Variants in CHRM3 observed in about 807,000 individuals in gnomAD.
CHRM3 encodes the protein cholinergic receptor muscarinic 3.
Under a neutral mutation model 41.8 loss-of-function variants are expected in CHRM3, and 11 were observed. The ratio of observed to expected loss-of-function variants is 0.26; its 90% CI spans 0.17 to 0.44. CHRM3 has a LOEUF of 0.44. Among genes scored for constraint, CHRM3 ranks in the 20% least tolerant of loss-of-function variants. CHRM3 has a pLI of 1.00. For synonymous variants in CHRM3, 297 were observed against 301.4 expected (o/e 0.99, Z 0.15); for missense variants, 571 against 745.4 (o/e 0.77, Z 2.72).
intron 3 of CHRM3, among the ~76,000 whole-genome samples, chr1:239,588,975 C>G (rs1015997754): frequency 6.6e-6 from 1 of 152,034 alleles, no homozygotes; most frequent in African/African-American, 2.4e-5. Flanking sequence ...GCTCTGTCCC[C>G]CAAGCTGGAG....
intron 3 of CHRM3, among the ~76,000 whole-genome samples, chr1:239,594,332 A>C (rs781382841): frequency 2.6e-5 from 4 of 152,320 alleles, no homozygotes; most frequent in Non-Finnish European, 5.9e-5. Flanking sequence ...GAATTTTCTA[A>C]ATGTGGTGTG....
At chr1:239,575,501 A>G (rs918099132) in intron 3 of CHRM3, among the ~76,000 whole-genome samples, 1 of 152,190 alleles carries the variant, frequency 6.6e-6, no homozygotes, top group Non-Finnish European at 1.5e-5. Flanking sequence ...TGTTTGGCTT[A>G]CTGTGTCTCT....
chr1:239,657,027 A>T lies in CHRM3; in HGVS notation c.-249-21159A>T, dbSNP rs1573160118. ...AATCTTTGCTGTCAACATTTTTAAG[A>T]AAAAGAAAGGATGTTATAATGCTAT... On this transcript the variant is annotated intron_variant, in intron 4 of 6. Coordinates refer to ENST00000676153, the MANE Select transcript of CHRM3 (RefSeq NM_001375978.1). Among the ~76,000 whole-genome samples, 2 of 152,356 alleles carry T rather than the reference A, an allele frequency of 1.3e-5. 1 individual carries two copies. The highest frequency in any genetic ancestry group is 2.9e-5 in the Non-Finnish European group (2 of 68,040).
intron 6 of CHRM3, among the ~76,000 whole-genome samples, chr1:239,886,849 A>G (rs1678114275): frequency 2.6e-5 from 4 of 152,194 alleles, no homozygotes; most frequent in African/African-American, 7.2e-5. Flanking sequence ...ACGTTTTGCC[A>G]GATACTTGGA....
At chr1:239,785,960 C>G (rs1189998576) in intron 5 of CHRM3, among the ~76,000 whole-genome samples, 1 of 152,090 alleles carries the variant, frequency 6.6e-6, no homozygotes, top group African/African-American at 2.4e-5. Context: ...ATGTGTAGTA[C>G]ATATGGGTAT....
chr1:239,532,006 T>G (rs1352627300), intron 2 of CHRM3, among the ~76,000 whole-genome samples: 1 of 115,888 alleles, frequency 8.6e-6, no homozygotes, highest in East Asian at 2.3e-4. Context: ...CTTTTCCTTC[T>G]TTCTTTTTTT....
intron 3 of CHRM3, among the ~76,000 whole-genome samples, chr1:239,609,350 G>T (rs1461055735): frequency 6.6e-6 from 1 of 152,088 alleles, no homozygotes; most frequent in Non-Finnish European, 1.5e-5. Context: ...TTCTTGCTTA[G>T]TACTACTCCA....
At chr1:239,543,405 A>C (rs145055601) in intron 2 of CHRM3, among the ~76,000 whole-genome samples, 287 of 151,948 alleles carry the variant, frequency 1.9e-3, no homozygotes, top group African/African-American at 6.7e-3. Context: ...GGGGTTCCCA[A>C]CCTCTGCTTC....
intron 5 of CHRM3, among the ~76,000 whole-genome samples, chr1:239,769,486 G>A (rs1421706190): frequency 2.6e-5 from 4 of 152,224 alleles, no homozygotes; most frequent in Non-Finnish European, 4.4e-5. Flanking sequence ...ATGTAGAACA[G>A]TTGTATAAGC....
intron 2 of CHRM3, among the ~76,000 whole-genome samples, chr1:239,498,945 C>A (rs1668050162): frequency 6.6e-6 from 1 of 152,062 alleles, no homozygotes. Flanking sequence ...TAGCGTGCTT[C>A]CTTATATGTA....
intron 1 of CHRM3, among the ~76,000 whole-genome samples, chr1:239,443,011 C>T (rs1335144210): frequency 2.0e-5 from 3 of 152,182 alleles, no homozygotes; most frequent in Non-Finnish European, 4.4e-5. Flanking sequence ...TTAATAGAGC[C>T]ACCTATCCTT....
chr1:239,670,565 C>T (rs147994487), intron 4 of CHRM3, among the ~76,000 whole-genome samples: 7,430 of 152,104 alleles, frequency 0.049, 278 homozygotes, highest in South Asian at 0.17. Context: ...GGCTGGAGTG[C>T]AGTGACATAA....
At chr1:239,862,083 G>T (rs974996986) in intron 6 of CHRM3, among the ~76,000 whole-genome samples, 16 of 152,282 alleles carry the variant, frequency 1.1e-4, no homozygotes, top group Admixed American at 2.0e-4. Flanking sequence ...ATATAAAAGG[G>T]TTTGCTTGTT....
chr1:239,749,420 G>C (rs2148563758), intron 5 of CHRM3, among the ~76,000 whole-genome samples: 1 of 152,304 alleles, frequency 6.6e-6, no homozygotes, highest in Admixed American at 6.5e-5. Context: ...TGTAATCCCA[G>C]CACTTTGGGA....
At chr1:239,756,156 G>C (rs549574582) in intron 5 of CHRM3, among the ~76,000 whole-genome samples, 6 of 152,254 alleles carry the variant, frequency 3.9e-5, no homozygotes, top group African/African-American at 1.4e-4. Context: ...AATTACATTT[G>C]CACCAGCCTA....
At chr1:239,455,510 G>A (rs6661441) in intron 1 of CHRM3, among the ~76,000 whole-genome samples, 10,352 of 152,090 alleles carry the variant, frequency 0.068, 696 homozygotes, top group African/African-American at 0.18. Flanking sequence ...AGGGGAAGAC[G>A]GTGATATTGA....
chr1:239,771,130 A>C (rs1041942616), intron 5 of CHRM3, among the ~76,000 whole-genome samples: 1 of 151,808 alleles, frequency 6.6e-6, no homozygotes, highest in Admixed American at 6.6e-5. Flanking sequence ...ATCCTTTATT[A>C]GTTTCACATT....
chr1:239,418,436 A>T (rs918665975), intron 1 of CHRM3, among the ~76,000 whole-genome samples: 1 of 152,202 alleles, frequency 6.6e-6, no homozygotes, highest in Non-Finnish European at 1.5e-5. Flanking sequence ...TTCAGTTTCT[A>T]CATTAAGGGA....
intron 4 of CHRM3, among the ~76,000 whole-genome samples, chr1:239,640,794 T>C (rs2148917356): frequency 6.7e-6 from 1 of 150,356 alleles, no homozygotes; most frequent in African/African-American, 2.5e-5. Context: ...TAGTTATTTC[T>C]TGCCTTCTGC....
Sources: gnomAD v4.1 joint callset for allele counts (sites outside exome capture counted in the v4.1 genomes callset) on GRCh38, gnomAD v4.1.1 for gene constraint, MANE v1.5 for transcripts, NCBI Gene and HGNC (gene_info 2026-07-23, HGNC 2026-07-21) for gene names.